Variants in GALNT13 observed in about 807,000 individuals in gnomAD.
GALNT13 encodes the protein UDP-GalNAc:polypeptide N-acetylgalactosaminyltransferase 13.
A neutral mutation model predicts 64.2 loss-of-function variants in GALNT13; 28 were observed. The ratio of observed to expected loss-of-function variants is 0.44; its 90% CI spans 0.32 to 0.60. GALNT13 has a LOEUF of 0.60. Among genes scored for constraint, GALNT13 ranks in the 20% least tolerant of loss-of-function variants. GALNT13 has a pLI of 0.05. For missense variants in GALNT13, 577 were observed against 669.8 expected (o/e 0.86, Z 1.53); for synonymous variants, 214 against 224.6 (o/e 0.95, Z 0.42).
the GALNT13 span, among the ~76,000 whole-genome samples, chr2:153,803,117 C>CCT: frequency 6.6e-6 from 1 of 152,116 alleles, no homozygotes; most frequent in African/African-American, 2.4e-5. Context: ...TTTCAGGGTG[C>CCT]CACTGGTAAG....
At chr2:153,604,361 A>G in the GALNT13 span, among the ~76,000 whole-genome samples, 70,386 of 151,880 alleles carry the variant, frequency 0.46, 17,100 homozygotes, top group South Asian at 0.62. Context: ...ATGTAAATAG[A>G]GCTGTTGCCA....
the GALNT13 span, among the ~76,000 whole-genome samples, chr2:153,511,231 G>T: frequency 6.6e-6 from 1 of 151,642 alleles, no homozygotes; most frequent in Non-Finnish European, 1.5e-5. Flanking sequence ...ATAGGAGAAA[G>T]AAGAAATTTC....
intron 3 of GALNT13, among the ~76,000 whole-genome samples, chr2:154,032,209 T>C (rs996624025): frequency 2.2e-4 from 34 of 152,132 alleles, no homozygotes; most frequent in Admixed American, 9.2e-4. Flanking sequence ...CATTAAAATA[T>C]AATAAACCTA....
chr2:153,068,806 T>C, the GALNT13 span, among the ~76,000 whole-genome samples: 5 of 152,194 alleles, frequency 3.3e-5, no homozygotes, highest in Non-Finnish European at 5.9e-5. Context: ...CTAACAGTGG[T>C]GCTTTAGGGG....
At chr2:153,592,183 A>G in the GALNT13 span, among the ~76,000 whole-genome samples, 1 of 152,164 alleles carries the variant, frequency 6.6e-6, no homozygotes, top group Non-Finnish European at 1.5e-5. Flanking sequence ...GTCAAGAAAC[A>G]ACAGATGTTG....
chr2:153,878,366 C>A (rs1002993259), intron 1 of GALNT13, among the ~76,000 whole-genome samples: 3 of 152,052 alleles, frequency 2.0e-5, no homozygotes, highest in Non-Finnish European at 2.9e-5. Context: ...TACTCTGAAC[C>A]ACTGTGATAT....
At chr2:153,856,529 T>C in the GALNT13 span, among the ~76,000 whole-genome samples, 13 of 152,258 alleles carry the variant, frequency 8.5e-5, no homozygotes, top group African/African-American at 3.1e-4. Context: ...TGTGAAAATA[T>C]GCTCAATCTC....
the GALNT13 span, among the ~76,000 whole-genome samples, chr2:153,691,067 A>G: frequency 6.6e-6 from 1 of 152,182 alleles, no homozygotes; most frequent in African/African-American, 2.4e-5. Context: ...GTGATTGACC[A>G]GCTTTCCACT....
the GALNT13 span, among the ~76,000 whole-genome samples, chr2:153,483,100 T>C: frequency 6.6e-6 from 1 of 152,148 alleles, no homozygotes; most frequent in African/African-American, 2.4e-5. Flanking sequence ...TGTGGAGAAA[T>C]TGGAACCCTC....
chr2:153,241,375 T>C, the GALNT13 span, among the ~76,000 whole-genome samples: 9 of 152,240 alleles, frequency 5.9e-5, 1 homozygote, highest in Non-Finnish European at 1.5e-5. Context: ...TGTTTTGTTA[T>C]GTGCATTTTG....
the GALNT13 span, among the ~76,000 whole-genome samples, chr2:153,277,017 C>T: frequency 4.6e-5 from 7 of 152,022 alleles, no homozygotes; most frequent in African/African-American, 1.7e-4. Context: ...TTAACATCAT[C>T]TTGTTATTAT....
the GALNT13 span, among the ~76,000 whole-genome samples, chr2:153,665,116 G>T: frequency 6.6e-6 from 1 of 152,208 alleles, no homozygotes; most frequent in African/African-American, 2.4e-5. Context: ...CTAGCTGTGT[G>T]ATTGATCCTC....
intron 3 of GALNT13, among the ~76,000 whole-genome samples, chr2:153,974,117 G>A (rs1001548781): frequency 1.3e-4 from 19 of 152,000 alleles, no homozygotes; most frequent in African/African-American, 3.6e-4. Context: ...CCACACTGAT[G>A]GCAGATAAAT....
chr2:153,355,648 T>C, the GALNT13 span, among the ~76,000 whole-genome samples: 2 of 152,196 alleles, frequency 1.3e-5, no homozygotes, highest in Non-Finnish European at 2.9e-5. Flanking sequence ...TTTGGCCTTC[T>C]TAATCAAACA....
chr2:154,296,819 G>A (rs1309191002), intron 8 of GALNT13, among the ~76,000 whole-genome samples: 1 of 152,044 alleles, frequency 6.6e-6, no homozygotes, highest in Non-Finnish European at 1.5e-5. Flanking sequence ...TGTGCAGAAT[G>A]TGTAGGTTTG....
chr2:154,082,685 T>C (rs965317937), intron 3 of GALNT13, among the ~76,000 whole-genome samples: 5 of 151,750 alleles, frequency 3.3e-5, no homozygotes, highest in African/African-American at 7.2e-5. Context: ...CTTCCTTCCA[T>C]TTTCCATGGC....
the GALNT13 span, among the ~76,000 whole-genome samples, chr2:153,277,436 T>G: frequency 6.6e-6 from 1 of 152,250 alleles, no homozygotes; most frequent in Non-Finnish European, 1.5e-5. Flanking sequence ...GTATGACATT[T>G]TATTTACCCA....
At chr2:153,830,585 A>T in the GALNT13 span, among the ~76,000 whole-genome samples, 1 of 152,100 alleles carries the variant, frequency 6.6e-6, no homozygotes, top group South Asian at 2.1e-4. Flanking sequence ...ATTGCTAAAG[A>T]GGCTTAATTT....
At chr2:154,033,856 T>C (rs555018262) in intron 3 of GALNT13, among the ~76,000 whole-genome samples, 1 of 152,202 alleles carries the variant, frequency 6.6e-6, no homozygotes, top group South Asian at 2.1e-4. Context: ...AGAGAATCTC[T>C]TGAACCCGGG....
Sources: allele counts gnomAD v4.1 joint callset (sites outside exome capture counted in the v4.1 genomes callset), GRCh38; gene constraint gnomAD v4.1.1; transcripts MANE v1.5; gene names NCBI Gene and HGNC (gene_info 2026-07-23, HGNC 2026-07-21).